Variants in DAPK2 observed in about 807,000 individuals in gnomAD.
DAPK2 encodes death-associated protein kinase 2.
Under a neutral mutation model 44.1 loss-of-function variants are expected in DAPK2, and 35 were observed. That is an observed-to-expected ratio of 0.79 (90% confidence interval 0.61 to 1.05). The LOEUF is 1.05. Among genes scored for constraint, DAPK2 ranks in the 50% least tolerant of loss-of-function variants. DAPK2 has a pLI of 0.00. For synonymous variants in DAPK2, 174 were observed against 182.6 expected, an observed-to-expected ratio of 0.95 and a Z score of 0.38; for missense variants, 453 against 483.2, an observed-to-expected ratio of 0.94 and a Z score of 0.59.
chr15:63,913,650 C>A (rs1303607316), intron 8 of DAPK2, among the ~76,000 whole-genome samples: 1 of 152,198 alleles, frequency 6.6e-6, no homozygotes, highest in East Asian at 1.9e-4. Context: ...GATTTTTCAT[C>A]ATGGCATCAG....
intron 8 of DAPK2, chr15:63,921,686 C>T (rs1407497970): frequency 6.6e-6 from 1 of 152,274 alleles, no homozygotes; most frequent in East Asian, 1.9e-4. Context: ...CTTAGGCCTT[C>T]AAGGCCCAAT....
At chr15:63,935,076 A>T (rs2077100293) in intron 4 of DAPK2, among the ~76,000 whole-genome samples, 1 of 143,796 alleles carries the variant, frequency 7.0e-6, no homozygotes, top group African/African-American at 2.5e-5. Context: ...TGTTTTTCTT[A>T]AATCTTTGCC....
chr15:64,031,494 A>G (rs1358182124), intron 1 of DAPK2, among the ~76,000 whole-genome samples: 1 of 152,122 alleles, frequency 6.6e-6, no homozygotes, highest in African/African-American at 2.4e-5. Context: ...CGTCCTCCCA[A>G]AGTGTTGGGA....
chr15:63,927,006 T>C (rs2079304483), intron 6 of DAPK2, among the ~76,000 whole-genome samples: 1 of 152,266 alleles, frequency 6.6e-6, no homozygotes, highest in African/African-American at 2.4e-5. Flanking sequence ...AATTTTGGTG[T>C]TGCAATCCTG....
intron 4 of DAPK2, chr15:63,932,466 C>CAAAAAAAAAAAAA (rs61026642): frequency 2.9e-5 from 2 of 68,220 alleles, no homozygotes; most frequent in African/African-American, 6.6e-5. Flanking sequence ...AACTCCGTCT[C>CAAAAAAAAAAAAA]AAAAAAAAAA....
intron 1 of DAPK2, among the ~76,000 whole-genome samples, chr15:63,989,708 C>T (rs951045788): frequency 3.9e-5 from 6 of 152,086 alleles, no homozygotes; most frequent in African/African-American, 1.4e-4. Context: ...CATACACACG[C>T]ACATACATAG....
chr15:63,983,626 T>C, exon 2 of DAPK2: 1 of 1,614,168 alleles, frequency 6.2e-7, no homozygotes. Context: ...GATGCTCACC[T>C]CCCGCTCGAT....
intron 3 of DAPK2, among the ~76,000 whole-genome samples, chr15:63,962,513 G>A (rs541793566): frequency 2.0e-5 from 3 of 152,296 alleles, no homozygotes; most frequent in East Asian, 1.9e-4. Flanking sequence ...TGATGGTGAC[G>A]TACAAATGGG....
chr15:63,908,823 T>C lies in DAPK2; in HGVS notation c.1033-223A>G, dbSNP rs2078710869. 2.5e-6 allele frequency: 1 copy of C among 394,550 alleles called. No individual in the cohort carries two copies. Among genetic ancestry groups the C allele is most frequent in the Non-Finnish European group, 4.5e-6 (1 of 220,146 alleles). The allele number at this position is 394,550 out of a possible 1,614,324, so 24.4% of individuals were successfully genotyped here. On this transcript the variant is annotated intron_variant, in intron 10 of 10. Coordinates refer to ENST00000261891, the Ensembl canonical transcript of DAPK2. The surrounding 1 kb of genome is among the most constrained non-coding windows in gnomAD (Gnocchi z 5.7). The stretch of plus-strand genomic sequence containing the variant: ...TTGGAGGAAGGAAAGCAGCAGGGCA[T>C]CTAAGGGAAACCAGACATCAGGAGA...
intron 4 of DAPK2, 95 bp from the exon 6 acceptor site, chr15:63,930,550 C>T: frequency 8.9e-7 from 1 of 1,122,762 alleles, no homozygotes; most frequent in Non-Finnish European, 1.3e-6. Flanking sequence ...CAAATATCTC[C>T]ATCCTGAATC....
Position 63,939,470 on chromosome 15 carries a change from C to T in DAPK2, c.454-109G>A, listed in dbSNP as rs1271768200. On this transcript the variant is annotated intron_variant, in intron 3 of 10. Transcript: ENST00000261891. The surrounding 1 kb of genome is among the most constrained non-coding windows in gnomAD (Gnocchi z 4.3). ...TTTGGCTTTGGGGTTTGGGGTGGGA[C>T]TTGGTGTTCTTTTTAGGAGACTGAA... The T allele has an allele frequency of 9.5e-7, 1 of 1,055,444 alleles. No homozygotes were observed. Among genetic ancestry groups the T allele is most frequent in the Non-Finnish European group, 1.3e-6 (1 of 742,788 alleles). The allele number at this position is 1,055,444 out of a possible 1,614,324, so 65.4% of individuals were successfully genotyped here.
rs1337743120 is a variant in DAPK2 at position 63,923,387 on chromosome 15, C to T, written c.858+1429G>A. The T allele has an allele frequency of 3.3e-6, 5 of 1,516,054 alleles. No homozygotes were observed. In the South Asian group the frequency reaches 4.9e-5, roughly 15 times the overall value. The allele number at this position is 1,516,054 out of a possible 1,614,324, so 93.9% of individuals were successfully genotyped here. ...GAAGAATCAGAGTGTTAATTTGCCGCCCACCCCAGAGGGCAGTCCAAAGGG... is the reference window on the plus strand; with the variant it reads ...GAAGAATCAGAGTGTTAATTTGCCGTCCACCCCAGAGGGCAGTCCAAAGGG... On this transcript the variant is annotated intron_variant, in intron 8 of 10. Coordinates refer to ENST00000261891, the Ensembl canonical transcript of DAPK2. This position sits in a 1 kb window ranked among gnomAD's most constrained non-coding sequence, Gnocchi z 4.2.
chr15:63,921,617 T>C (rs926755424), intron 8 of DAPK2: 2 of 152,230 alleles, frequency 1.3e-5, no homozygotes, highest in Non-Finnish European at 2.9e-5. Flanking sequence ...GAAACGACCA[T>C]GTGGCCTTGC....
intron 1 of DAPK2, among the ~76,000 whole-genome samples, chr15:64,038,167 TGCCC>T (rs1433687993): frequency 6.6e-6 from 1 of 152,218 alleles, no homozygotes; most frequent in African/African-American, 2.4e-5. Flanking sequence ...TCAGTTTCTC[TGCCC>T]ACCCAGACTC....
At chr15:63,943,609 A>G (rs1489550939) in intron 3 of DAPK2, among the ~76,000 whole-genome samples, 2 of 152,160 alleles carry the variant, frequency 1.3e-5, no homozygotes, top group East Asian at 3.9e-4. Flanking sequence ...GCAGTGGCTC[A>G]TGCCTGTATT....
At chr15:63,969,189 T>G (rs1228751408) in intron 3 of DAPK2, among the ~76,000 whole-genome samples, 1 of 150,110 alleles carries the variant, frequency 6.7e-6, no homozygotes, top group African/African-American at 2.5e-5. Context: ...GAGGCTGAAG[T>G]GGGCAGATTG....
At position 63,982,383 on chromosome 15, in the gene DAPK2, G is replaced by T. The variant is rs868466371; in HGVS notation, c.314+1150C>A. On this transcript the variant is annotated intron_variant, in intron 2 of 10. Coordinates refer to ENST00000261891, the Ensembl canonical transcript of DAPK2. ...TTTTTGTATTTTCAGTAGAGATGGGGTTTCACCATGTTAGCCAGGCTGGTC... is the reference window on the plus strand; with the variant it reads ...TTTTTGTATTTTCAGTAGAGATGGGTTTTCACCATGTTAGCCAGGCTGGTC... 2.8e-4 allele frequency among the ~76,000 whole-genome samples: 43 copies of T among 152,048 alleles called. No individual in the cohort carries two copies. The Middle Eastern group carries it at 0.024, about 84-fold the overall frequency.
At chr15:63,969,667 G>A (rs2078154422) in intron 3 of DAPK2, among the ~76,000 whole-genome samples, 1 of 151,652 alleles carries the variant, frequency 6.6e-6, no homozygotes, top group Non-Finnish European at 1.5e-5. Context: ...ATTGAGCCCA[G>A]GAAGTCGAGG....
chr15:63,943,857 C>G (rs549801012), intron 3 of DAPK2, among the ~76,000 whole-genome samples: 33 of 152,176 alleles, frequency 2.2e-4, no homozygotes, highest in African/African-American at 7.7e-4. Flanking sequence ...GTCTGGGTGA[C>G]AGAGAGGGAC....
Sources: allele counts gnomAD v4.1 joint callset (sites outside exome capture counted in the v4.1 genomes callset), GRCh38; gene constraint gnomAD v4.1.1; non-coding constraint Gnocchi (gnomAD v3.1); transcripts MANE v1.5; gene names NCBI Gene and HGNC (gene_info 2026-07-23, HGNC 2026-07-21).